The following IPO4 variants were observed in gnomAD, a reference collection of about 807,000 sequenced individuals.
IPO4 encodes importin 4.
Under a neutral mutation model 133.5 loss-of-function variants are expected in IPO4, and 91 were observed. The ratio of observed to expected loss-of-function variants is 0.68; its 90% confidence interval spans 0.58 to 0.81. The LOEUF (loss-of-function observed/expected upper bound fraction) is 0.81, where lower values mean the gene tolerates loss of function less well. Among genes scored for constraint, IPO4 ranks in the 30% least tolerant of loss-of-function variants. The pLI is 0.00. For missense variants in IPO4, 1,279 were observed against 1,386.2 expected (o/e 0.92, Z 1.23); for synonymous variants, 607 against 581.6 (o/e 1.04, Z -0.63).
In IPO4 at chr14:24,184,327, C is replaced by T; in HGVS notation, c.1728G>A (p.Gln576=). 6.3e-7 allele frequency: 1 copy of T among 1,588,996 alleles called. No homozygotes were observed. The highest frequency in any genetic ancestry group is 8.6e-7 in the Non-Finnish European group (1 of 1,167,856). ...AGCGCCGCAAGTCAGGGTCGTCTAC[C>T]TGGTCGCAGAGGCCCAGACCCAGCT... The part of the protein sequence containing the change: ...CCQLGLGLCD[Q]VDDPDLRRCT... Residue 576 remains glutamine (Q), a synonymous_variant, in exon 17 of 30, where the codon CAG becomes CAA. Transcript: ENST00000354464.
chr14:24,183,148 C>T lies in IPO4; in HGVS notation c.2249G>A (p.Arg750Gln), dbSNP rs201084822. Residue 750 changes from arginine (R) to glutamine (Q), a missense_variant, in exon 23 of 30, where the codon CGA (arginine) becomes CAA (glutamine). Arg to Gln is a conservative substitution (Grantham distance 43). Transcript: ENST00000354464. ...TGCCTGCATGTAGGATGGCACGACT[C>T]GGGCCAGGGCAGCCTGCAAAGCTGG... ...NTAALQAALA[R>Q]VVPSYMQAVN... The T allele has an allele frequency of 1.0e-4, 167 of 1,612,744 alleles. No individual in the cohort carries two copies. Among genetic ancestry groups the T allele is most frequent in the East Asian group, 1.6e-4 (7 of 44,838 alleles).
At chr14:24,185,602 A>G in intron 12 of IPO4, 35 bp from the exon 13 acceptor site, 2 of 1,565,618 alleles carry the variant, frequency 1.3e-6, no homozygotes, top group African/African-American at 1.3e-5. Context: ...TAGGCTGAGA[A>G]GCTACACCTG....
Position 24,187,719 on chromosome 14 carries a change from A to C in IPO4, c.356T>G (p.Leu119Arg), listed in dbSNP as rs769635843. 1.2e-6 allele frequency: 2 copies of C among 1,614,200 alleles called. No homozygotes were observed. The highest frequency in any genetic ancestry group is 2.2e-5 in the South Asian group (2 of 91,084). Residue 119 changes from leucine (L) to arginine (R), a missense_variant, in exon 5 of 30, where the codon CTT (leucine) becomes CGT (arginine). Around this residue, in one of 3 missense-constraint regions of IPO4, gnomAD observed 695 missense variants for 704.1 expected, o/e 0.99. Transcript: ENST00000354464. Reference sequence around the variant, plus strand: ...GGTACTGTGCTGAAGCAGCTGCAAAAGCTGTGGCCAGGCCTCCAAGCCTTC... The same window carrying C: ...GGTACTGTGCTGAAGCAGCTGCAAACGCTGTGGCCAGGCCTCCAAGCCTTC... ...RKEGLEAWPQ[L>R]LQLLQHSTHS...
In IPO4 at chr14:24,181,818, G is replaced by A; in HGVS notation, c.2833C>T (p.Leu945Phe). Reference sequence around the variant, plus strand: ...CGCTCCCGCGCCAGGAGGGGAAAAAGGAGCCCCAGCAGCTTGGGGAAGTGT... The same window carrying A: ...CGCTCCCGCGCCAGGAGGGGAAAAAAGAGCCCCAGCAGCTTGGGGAAGTGT... ...QEHFPKLLGL[L>F]FPLLARERHD... Residue 945 changes from leucine to phenylalanine, a missense_variant, in exon 27 of 30, where the codon CTT becomes TTT. Transcript: ENST00000354464. 6.3e-7 allele frequency: 1 copy of A among 1,597,270 alleles called. No individual in the cohort carries two copies. Among genetic ancestry groups the A allele is most frequent in the Non-Finnish European group, 8.5e-7 (1 of 1,169,936 alleles).
intron 19 of IPO4, 37 bp from the exon 20 acceptor site, chr14:24,183,704 C>T: frequency 6.2e-7 from 1 of 1,614,074 alleles, no homozygotes; most frequent in Admixed American, 1.7e-5. Context: ...GATCAGGCAC[C>T]AAGAGGAGCA....
At position 24,183,876 on chromosome 14, in the gene IPO4, G is replaced by A. The variant is rs1276465146; in HGVS notation, c.1892C>T (p.Ser631Phe). ...ACTCTCATCGTCAAACAGAAGGAAG[G>A]AGCTGCTCCCGTCATACTGAGGCTG... ...GIVPQYDGSS[S>F]FLLFDDESDG... The change falls in exon 19 of 30, where the codon TCC becomes TTC. Residue 631 changes from serine to phenylalanine, a missense_variant. By Grantham distance (155) the Ser-to-Phe change is radical. Transcript: ENST00000354464. The A allele has an allele frequency of 1.9e-6, 3 of 1,614,028 alleles. No individual in the cohort carries two copies. The highest frequency in any genetic ancestry group is 1.1e-5 in the South Asian group (1 of 91,082).
intron 24 of IPO4, 54 bp from the exon 25 acceptor site, chr14:24,182,457 C>A: frequency 6.3e-7 from 1 of 1,577,792 alleles, no homozygotes; most frequent in Non-Finnish European, 8.6e-7. Flanking sequence ...TGACTGTACA[C>A]CTCCCTCCCA....
In IPO4 at chr14:24,182,273, C is replaced by T; in HGVS notation, c.2598+5G>A. The stretch of plus-strand genomic sequence containing the variant: ...AGGGCTTGAAGCCAGAAGATGGACA[C>T]TCACTGTCTTGCACACCAATAATGG... On this transcript the variant is annotated splice_donor_5th_base_variant and intron_variant, in intron 25 of 29. Coordinates refer to ENST00000354464, the MANE Select transcript of IPO4 (RefSeq NM_024658.4). The T allele has an allele frequency of 6.2e-7, 1 of 1,614,156 alleles. No homozygotes were observed. Among genetic ancestry groups the T allele is most frequent in the Non-Finnish European group, 8.5e-7 (1 of 1,179,998 alleles).
At position 24,181,833 on chromosome 14, in the gene IPO4, T is replaced by G; in HGVS notation, c.2818A>C (p.Lys940Gln). Reference protein sequence around the residue: ...GGHPAQEHFPKLLGLLFPLLA... With the variant: ...GGHPAQEHFPQLLGLLFPLLA... ...AGGGGAAAAAGGAGCCCCAGCAGCT[T>G]GGGGAAGTGTCTGGTCCACAGTCAA... Residue 940 changes from lysine (K) to glutamine (Q), a missense_variant, in exon 27 of 30, where the codon AAG becomes CAG. By Grantham distance (53) the Lys-to-Gln change is moderately conservative (BLOSUM62 1). Coordinates refer to ENST00000354464, the MANE Select transcript of IPO4 (RefSeq NM_024658.4). 6.3e-7 allele frequency: 1 copy of G among 1,596,630 alleles called. No individual in the cohort carries two copies. Among genetic ancestry groups the G allele is most frequent in the African/African-American group, 1.3e-5 (1 of 74,708 alleles).
At chr14:24,185,680 G>A (rs1370790677) in intron 12 of IPO4, 113 bp from the exon 13 acceptor site, 4 of 1,076,486 alleles carry the variant, frequency 3.7e-6, no homozygotes, top group East Asian at 2.5e-5. Flanking sequence ...GTCACCAGAG[G>A]GTGGGCAGCA....
rs754719298 is a variant in IPO4 at position 24,188,451 on chromosome 14, G to A, written c.157-28C>T. The A allele has an allele frequency of 5.0e-6, 8 of 1,609,650 alleles. 1 individual carries two copies. The African/African-American group carries it at 6.7e-5, about 13-fold the overall frequency. ...AGGACGAGGAAGCAAGCACGTGGGG[G>A]TCCGGGCAGGAAGGTGCTGAGCGGA... On this transcript the variant is annotated intron_variant, in intron 2 of 29. Transcript: ENST00000354464.
intron 11 of IPO4, 62 bp from the exon 12 acceptor site, chr14:24,186,032 T>C (rs941115342): frequency 1.2e-5 from 19 of 1,595,982 alleles, no homozygotes; most frequent in African/African-American, 9.4e-5. Flanking sequence ...CCTGTGGTAA[T>C]AGGCCTTCAC....
intron 29 of IPO4, 45 bp from the exon 30 acceptor site, chr14:24,180,617 G>A (rs779329882): frequency 2.0e-5 from 32 of 1,611,282 alleles, no homozygotes; most frequent in African/African-American, 1.1e-4. Flanking sequence ...CTAAAGCCTC[G>A]CTGCCCCAGG....
rs1257493746 is a variant in IPO4, at chr14:24,182,100, C to G, written c.2662G>C (p.Gly888Arg). 1 of 1,614,032 alleles carries G rather than the reference C, an allele frequency of 6.2e-7. No individual in the cohort carries two copies. The highest frequency in any genetic ancestry group is 2.2e-5 in the East Asian group (1 of 44,880). ...AACTGGGCTGAGGCAGCACCCAGGC[C>G]CTGAATAGTCTCTGCCAAGGTCCCC... The part of the protein sequence containing the change: ...AVGTLAETIQ[G>R]LGAASAQFVS... Residue 888 changes from glycine to arginine, a missense_variant, in exon 26 of 30, where the codon GGC (glycine) becomes CGC (arginine). This residue lies in a region of IPO4 where 575 missense variants were observed against 653.4 expected (regional missense o/e 0.88). Transcript: ENST00000354464.
In IPO4 at chr14:24,187,820, C is replaced by T. The variant is rs750596778; in HGVS notation, c.279-24G>A. ...GCCTGCAAACAGGAGAGATCTCCTC[C>T]AATCACCCTTCAATACCTTCCTCTG... On this transcript the variant is annotated intron_variant, in intron 4 of 29. Coordinates refer to ENST00000354464, the MANE Select transcript of IPO4 (RefSeq NM_024658.4). 20 of 1,613,430 alleles carry T rather than the reference C, an allele frequency of 1.2e-5. No individual in the cohort carries two copies. In the Admixed American group the frequency reaches 2.8e-4, roughly 23 times the overall value.
In IPO4 at chr14:24,182,305, A is replaced by G. The variant is rs200025637; in HGVS notation, c.2571T>C (p.Gly857=). 3.0e-5 allele frequency: 48 copies of G among 1,614,060 alleles called. No individual in the cohort carries two copies. In the African/African-American group the frequency reaches 4.4e-4, roughly 15 times the overall value. Residue 857 remains glycine, a synonymous_variant, in exon 25 of 30, where the codon GGT becomes GGC. Coordinates refer to ENST00000354464, the MANE Select transcript of IPO4 (RefSeq NM_024658.4). ...GGDSFAPFFA[G]FLPLLVCKTK... is the part of the protein sequence containing the mutation. ...TCTTGCACACCAATAATGGCAGGAAACCGGCAAAGAATGGGGCAAAGGAGT... is the reference window on the plus strand; with the variant it reads ...TCTTGCACACCAATAATGGCAGGAAGCCGGCAAAGAATGGGGCAAAGGAGT...
chr14:24,181,744 C>G lies in IPO4; in HGVS notation c.2907G>C (p.Leu969Phe), dbSNP rs769441387. 11 of 1,602,164 alleles carry G rather than the reference C, an allele frequency of 6.9e-6. No individual in the cohort carries two copies. The highest frequency in any genetic ancestry group is 1.3e-5 in the African/African-American group (1 of 74,762). ...CTGGTTTCCTGGTGGGACTGGCCAT[C>G]AACAGGCGGGCAAGTGCCCCACAGA... is the stretch of plus-strand genomic sequence containing the variant. ...DNICGALARL[L>F]MASPTRKPEP... Residue 969 changes from leucine (L) to phenylalanine (F), a missense_variant, in exon 27 of 30, where the codon TTG becomes TTC. Leu to Phe is a conservative substitution (Grantham distance 22, BLOSUM62 0). This residue lies in a region of IPO4 where 575 missense variants were observed against 653.4 expected (regional missense o/e 0.88). Transcript: ENST00000354464.
rs1343322396 is a variant in IPO4 at position 24,187,466 on chromosome 14, A to G, written c.522T>C (p.Pro174=). The stretch of plus-strand genomic sequence containing the variant: ...TGCGCAGGGAGTAGAAGAGCAGCCC[A>G]GGAGAGCCCACCTCACCAAGAGTCT... ...LNETLGEVGS[P]GLLFYSLRTL... Residue 174 remains proline (P), a synonymous_variant, in exon 6 of 30, where the codon CCT becomes CCC. Transcript: ENST00000354464. The G allele has an allele frequency of 2.0e-5, 32 of 1,614,100 alleles. No homozygotes were observed. Among genetic ancestry groups the G allele is most frequent in the Non-Finnish European group, 2.6e-5 (31 of 1,180,042 alleles).
intron 27 of IPO4, 27 bp downstream of exon 27, chr14:24,181,684 G>A: frequency 6.2e-7 from 1 of 1,610,256 alleles, no homozygotes; most frequent in Non-Finnish European, 8.5e-7. Context: ...CAGCTTCCAA[G>A]CCCTGCCTGA....
Sources: gnomAD v4.1 joint callset for allele counts on GRCh38, gnomAD v4.1.1 for gene constraint, gnomAD v4.1.1 regional missense constraint, MANE v1.5 for transcripts, NCBI Gene and HGNC (gene_info 2026-07-23, HGNC 2026-07-21) for gene names.